The following EYS variants were observed in gnomAD, a reference collection of about 807,000 sequenced individuals.
EYS encodes the protein protein eyes shut homolog.
EYS carries 250 observed loss-of-function variants against 282.1 expected under a neutral mutation model. The observed-to-expected ratio is 0.89, with a 90% CI of 0.80 to 0.98. The LOEUF (loss-of-function observed/expected upper bound fraction) is 0.98, where lower values mean the gene tolerates loss of function less well. EYS is among the 50% of genes least tolerant of loss of function. The pLI, the probability that EYS is intolerant of heterozygous loss-of-function variation, is 0.00. For missense variants in EYS, 4,016 were observed against 3,709.0 expected (o/e 1.08, Z -2.15); for synonymous variants, 1,355 against 1,282.9 (o/e 1.06, Z -1.20).
chr6:64,952,979 T>C lies in EYS; in HGVS notation c.2260-7065A>G, dbSNP rs576397404. 2.6e-5 allele frequency among the ~76,000 whole-genome samples: 4 copies of C among 152,036 alleles called. No individual in the cohort carries two copies. In the East Asian group the frequency reaches 5.8e-4, roughly 22 times the overall value. ...ATAATGATATTCATTGGTACTAATA[T>C]AGTCATGGAGGATATTTTATTTATC... On this transcript the variant is annotated intron_variant, in intron 14 of 42. Transcript: ENST00000503581.
Position 64,591,176 on chromosome 6 carries a change from A to T in EYS, c.4691T>A (p.Ile1564Lys). ...ATCTGAGAATTCACGAGAGGATTTT[A>T]TTTCAGTCATAGAACATGTTGCACA... ...QTCATCSMTE[I>K]KSSREFSDQV... Residue 1564 changes from isoleucine to lysine, a missense_variant, in exon 26 of 43, where the codon ATA becomes AAA. Transcript: ENST00000503581. 1 of 1,551,356 alleles carries T rather than the reference A, an allele frequency of 6.4e-7. No individual in the cohort carries two copies. Among genetic ancestry groups the T allele is most frequent in the Non-Finnish European group, 8.7e-7 (1 of 1,146,788 alleles).
chr6:65,454,290 T>C (rs542865708), intron 5 of EYS, among the ~76,000 whole-genome samples: 91 of 152,028 alleles, frequency 6.0e-4, no homozygotes, highest in Middle Eastern at 3.4e-3. Flanking sequence ...ATATTTTATA[T>C]ACCTGTTGAT....
chr6:64,293,452 C>T (rs970881520), intron 30 of EYS, among the ~76,000 whole-genome samples: 2 of 151,992 alleles, frequency 1.3e-5, no homozygotes, highest in African/African-American at 4.8e-5. Flanking sequence ...TGTATCATTT[C>T]CTTCTATTAA....
intron 35 of EYS, among the ~76,000 whole-genome samples, chr6:63,981,106 C>G (rs959894471): frequency 5.9e-5 from 9 of 151,712 alleles, no homozygotes; most frequent in African/African-American, 1.9e-4. Context: ...TGTGTCCTAC[C>G]TCTTTGACCC....
intron 26 of EYS, among the ~76,000 whole-genome samples, chr6:64,537,707 A>G (rs1289241497): frequency 6.6e-6 from 1 of 152,104 alleles, no homozygotes; most frequent in East Asian, 1.9e-4. Context: ...GTTGTCCCTA[A>G]GTTTTTCTGA....
chr6:64,084,017 C>T (rs1461696661), intron 31 of EYS, among the ~76,000 whole-genome samples: 15 of 152,276 alleles, frequency 9.9e-5, no homozygotes, highest in Admixed American at 9.8e-4. Context: ...GGATTACAGG[C>T]GTGAGCCACT....
At chr6:64,985,645 G>A (rs1346639550) in intron 14 of EYS, among the ~76,000 whole-genome samples, 1 of 151,492 alleles carries the variant, frequency 6.6e-6, no homozygotes, top group African/African-American at 2.4e-5. Context: ...AATAAAGTCT[G>A]ATTTAATTAG....
At chr6:65,285,657 A>T (rs1028408703) in intron 12 of EYS, among the ~76,000 whole-genome samples, 4 of 152,016 alleles carry the variant, frequency 2.6e-5, no homozygotes, top group Admixed American at 2.6e-4. Context: ...GATAAATTTT[A>T]AAAACTACAA....
chr6:64,607,130 G>A (rs1766961262), intron 24 of EYS, among the ~76,000 whole-genome samples: 1 of 152,028 alleles, frequency 6.6e-6, no homozygotes, highest in African/African-American at 2.4e-5. Context: ...CAGAGAAACA[G>A]AGATTGGTTT....
intron 2 of EYS, among the ~76,000 whole-genome samples, chr6:65,619,948 C>A (rs1258510712): frequency 6.8e-6 from 1 of 147,548 alleles, no homozygotes; most frequent in South Asian, 2.2e-4. Flanking sequence ...CTGCTGGATT[C>A]GGTTTGCCAG....
chr6:65,264,502 T>C (rs1479261468), intron 12 of EYS, among the ~76,000 whole-genome samples: 1 of 152,132 alleles, frequency 6.6e-6, no homozygotes, highest in African/African-American at 2.4e-5. Flanking sequence ...GAAGTACTTC[T>C]TTGTCTCTCC....
chr6:64,788,457 T>A (rs1562192262), intron 22 of EYS, among the ~76,000 whole-genome samples: 1 of 152,164 alleles, frequency 6.6e-6, no homozygotes, highest in East Asian at 1.9e-4. Context: ...AAATTGCAAA[T>A]TCCTTCCATT....
intron 11 of EYS, 44 bp downstream of exon 11, chr6:65,334,936 C>G: frequency 6.4e-7 from 1 of 1,556,366 alleles, no homozygotes; most frequent in Non-Finnish European, 8.8e-7. Flanking sequence ...TTAATTATAA[C>G]TTTTTGATAT....
At chr6:63,983,516 T>C (rs1056301013) in intron 35 of EYS, among the ~76,000 whole-genome samples, 11 of 151,794 alleles carry the variant, frequency 7.2e-5, no homozygotes, top group African/African-American at 2.7e-4. Context: ...CCTGCTTTTT[T>C]GATAAAATTT....
chr6:64,368,232 T>C (rs1561954204), intron 29 of EYS, among the ~76,000 whole-genome samples: 1 of 152,132 alleles, frequency 6.6e-6, no homozygotes. Context: ...TTCACAATAA[T>C]GGCCTCCTGC....
chr6:64,215,307 T>G (rs916882423), intron 31 of EYS, among the ~76,000 whole-genome samples: 4 of 151,576 alleles, frequency 2.6e-5, no homozygotes, highest in African/African-American at 9.7e-5. Flanking sequence ...CCTGGGGAAT[T>G]TTTAAAGTTT....
At chr6:64,353,670 C>T (rs1288750908) in intron 29 of EYS, among the ~76,000 whole-genome samples, 1 of 151,566 alleles carries the variant, frequency 6.6e-6, no homozygotes, top group Non-Finnish European at 1.5e-5. Flanking sequence ...CATTTAACAA[C>T]TTACTAGAAT....
chr6:64,614,515 T>TA (rs1253017281), intron 24 of EYS, among the ~76,000 whole-genome samples: 1 of 152,020 alleles, frequency 6.6e-6, no homozygotes, highest in Non-Finnish European at 1.5e-5. Flanking sequence ...TGAGCAGTAA[T>TA]AAAACAACCT....
chr6:63,823,447 G>C (rs1193591333), intron 36 of EYS, among the ~76,000 whole-genome samples: 1 of 152,050 alleles, frequency 6.6e-6, no homozygotes, highest in South Asian at 2.1e-4. Context: ...TCATTTATGA[G>C]TCAATTTGAA....
Sources: gnomAD v4.1 joint callset for allele counts (sites outside exome capture counted in the v4.1 genomes callset) on GRCh38, gnomAD v4.1.1 for gene constraint, MANE v1.5 for transcripts, NCBI Gene and HGNC (gene_info 2026-07-23, HGNC 2026-07-21) for gene names.